The following LRRC38 variants were observed in gnomAD, a reference collection of about 807,000 sequenced individuals.
The protein encoded by LRRC38 is leucine rich repeat containing 38, also known as leucine-rich repeat-containing protein 38.
In LRRC38, 5 loss-of-function variants were observed where a neutral mutation model predicts 16.4. The observed-to-expected ratio is 0.31, with a 90% CI of 0.16 to 0.64. The LOEUF (loss-of-function observed/expected upper bound fraction) is 0.64, where lower values mean the gene tolerates loss of function less well. Among genes scored for constraint, LRRC38 ranks in the 30% least tolerant of loss-of-function variants. The probability of loss-of-function intolerance (pLI) is 0.80; values close to 1 mark genes in which losing one functional copy is unlikely to be tolerated. For synonymous variants in LRRC38, 191 were observed against 190.2 expected (o/e 1.00, Z -0.04); for missense variants, 341 against 401.8 (o/e 0.85, Z 1.29).
intron 1 of LRRC38, 27 bp from the exon 2 acceptor site, chr1:13,476,126 G>C: frequency 1.3e-6 from 2 of 1,548,750 alleles, no homozygotes; most frequent in Middle Eastern, 1.7e-4. Context: ...AGAGGAGAGA[G>C]AGATTTAGAC....
At chr1:13,485,808 G>A (rs1181386643) in intron 1 of LRRC38, among the ~76,000 whole-genome samples, 3 of 152,122 alleles carry the variant, frequency 2.0e-5, no homozygotes, top group Non-Finnish European at 4.4e-5. Context: ...ACAAACCGAG[G>A]GGCTTAAAAC....
chr1:13,478,692 C>T (rs573840479), intron 1 of LRRC38, among the ~76,000 whole-genome samples: 29 of 152,322 alleles, frequency 1.9e-4, no homozygotes, highest in Non-Finnish European at 3.2e-4. Context: ...CTTCACACCT[C>T]GCTAATTAGC....
At chr1:13,488,032 T>TTGTGTGTG (rs71570140) in intron 1 of LRRC38, among the ~76,000 whole-genome samples, 12,408 of 147,102 alleles carry the variant, frequency 0.084, 544 homozygotes, top group African/African-American at 0.1. Flanking sequence ...TTGTGTGTGT[T>TTGTGTGTG]TGTGTGTGTG....
At chr1:13,505,878 G>A (rs1639206186) in intron 1 of LRRC38, among the ~76,000 whole-genome samples, 1 of 152,060 alleles carries the variant, frequency 6.6e-6, no homozygotes, top group South Asian at 2.1e-4. Flanking sequence ...ACAGAACAAG[G>A]CTGGTGTGGC....
rs7534598 is a variant in LRRC38 at position 13,481,393 on chromosome 1, T to A, written c.632-5294A>T. On this transcript the variant is annotated intron_variant, in intron 1 of 1. Coordinates refer to ENST00000376085, the MANE Select transcript of LRRC38 (RefSeq NM_001010847.2). ...GTTCTTATGTTTTTTTTATTTTTTT[T>A]TTTTTGTTCTTTTTTTGAGATGGAG... is the stretch of plus-strand genomic sequence containing the variant. Among the ~76,000 whole-genome samples, 356 of 131,032 alleles carry A rather than the reference T, an allele frequency of 2.7e-3. 6 individuals carry two copies. Among genetic ancestry groups the A allele is most frequent in the African/African-American group, 9.0e-3 (332 of 36,766 alleles). 86.0% of individuals were successfully genotyped at this position (131,032 alleles called of 152,430 possible). A position where few individuals can be genotyped will look rare whatever the true frequency, so the allele number is the denominator to read the frequency against.
At chr1:13,481,715 GAC>G (rs1418688247) in intron 1 of LRRC38, among the ~76,000 whole-genome samples, 2 of 151,606 alleles carry the variant, frequency 1.3e-5, no homozygotes, top group Non-Finnish European at 2.9e-5. Flanking sequence ...TAGAAGAAGA[GAC>G]ACCAGAGAGC....
intron 1 of LRRC38, among the ~76,000 whole-genome samples, chr1:13,481,794 T>TCC (rs371393940): frequency 2.1e-5 from 2 of 94,382 alleles, no homozygotes; most frequent in Non-Finnish European, 4.2e-5. Flanking sequence ...TCTCCCTCTC[T>TCC]CTCTCTCTCT....
Position 13,475,969 on chromosome 1 carries a change from G to A in LRRC38, c.762C>T (p.Ser254=), listed in dbSNP as rs3013106. 425,641 of 1,550,226 alleles carry A rather than the reference G, an allele frequency of 0.27. 59,827 individuals carry two copies. Among genetic ancestry groups the A allele is most frequent in the African/African-American group, 0.42 (30,443 of 72,996 alleles). Residue 254 remains serine (S), a synonymous_variant, in exon 2 of 2, where the codon TCC becomes TCT. Coordinates refer to ENST00000376085, the MANE Select transcript of LRRC38 (RefSeq NM_001010847.2). This position sits in a 1 kb window ranked among gnomAD's most constrained non-coding sequence, Gnocchi z 4.3. ...SLTDLCIIIF[S]GVAVSIAAII... ...TGGCCGCAATGGACACGGCCACACC[G>A]GAGAAAATGATGATGCAGAGGTCTG...
At chr1:13,491,790 C>T (rs969814375) in intron 1 of LRRC38, among the ~76,000 whole-genome samples, 3 of 152,160 alleles carry the variant, frequency 2.0e-5, no homozygotes, top group Non-Finnish European at 4.4e-5. Context: ...ATTCTCCTGC[C>T]TCAGCCTCCA....
chr1:13,501,430 A>T (rs1327646039), intron 1 of LRRC38, among the ~76,000 whole-genome samples: 2 of 152,026 alleles, frequency 1.3e-5, no homozygotes, highest in African/African-American at 4.8e-5. Flanking sequence ...TTATTTTGAG[A>T]CGGAATCTCA....
chr1:13,503,741 G>A (rs543861831), intron 1 of LRRC38, among the ~76,000 whole-genome samples: 6 of 152,282 alleles, frequency 3.9e-5, no homozygotes, highest in Non-Finnish European at 7.4e-5. Context: ...CACGTGACTC[G>A]GAGGACCCAC....
chr1:13,477,302 C>T (rs891928659), intron 1 of LRRC38, among the ~76,000 whole-genome samples: 2 of 152,022 alleles, frequency 1.3e-5, no homozygotes, highest in Non-Finnish European at 1.5e-5. Flanking sequence ...TGTACAAGGC[C>T]CTGGGGATAC....
intron 1 of LRRC38, among the ~76,000 whole-genome samples, chr1:13,476,670 A>G: frequency 6.6e-6 from 1 of 152,110 alleles, no homozygotes; most frequent in Non-Finnish European, 1.5e-5. Flanking sequence ...CAGAGCGGGG[A>G]TGGAAGGGCA....
intron 1 of LRRC38, among the ~76,000 whole-genome samples, chr1:13,481,648 G>A (rs952735377): frequency 6.6e-6 from 1 of 152,038 alleles, no homozygotes; most frequent in South Asian, 2.1e-4. Context: ...GCCCGCCTTG[G>A]CCTCCCAAAG....
chr1:13,497,838 G>A (rs1311111903), intron 1 of LRRC38, among the ~76,000 whole-genome samples: 1 of 151,388 alleles, frequency 6.6e-6, no homozygotes, highest in African/African-American at 2.4e-5. Flanking sequence ...GTGTACGCCT[G>A]CAATCCCAGC....
Position 13,475,796 on chromosome 1 carries a change from G to T in LRRC38, c.*50C>A. The stretch of plus-strand genomic sequence containing the variant: ...CAGCATTTCCCTCTCGTCTTGGAGA[G>T]AGCTTCTGGTTCGGTGCTGGAGAGT... On this transcript the variant is annotated 3_prime_UTR_variant, in exon 2 of 2. Coordinates refer to ENST00000376085, the MANE Select transcript of LRRC38 (RefSeq NM_001010847.2). The surrounding 1 kb of genome is among the most constrained non-coding windows in gnomAD (Gnocchi z 4.3). 2 of 1,534,374 alleles carry T rather than the reference G, an allele frequency of 1.3e-6. No individual in the cohort carries two copies. The highest frequency in any genetic ancestry group is 2.4e-5 in the South Asian group (2 of 82,422).
rs1480860607 is a variant in LRRC38 at position 13,487,446 on chromosome 1, G to A, written c.632-11347C>T. ...AAGTCAACTTCCCACCTTTCGTCTTGCGATGGGTCTACCTCCAACCCACTG... is the reference window on the plus strand; with the variant it reads ...AAGTCAACTTCCCACCTTTCGTCTTACGATGGGTCTACCTCCAACCCACTG... On this transcript the variant is annotated intron_variant, in intron 1 of 1. Coordinates refer to ENST00000376085, the MANE Select transcript of LRRC38 (RefSeq NM_001010847.2). The surrounding 1 kb of genome is among the most constrained non-coding windows in gnomAD (Gnocchi z 4.4). 2.6e-5 allele frequency among the ~76,000 whole-genome samples: 4 copies of A among 152,166 alleles called. No individual in the cohort carries two copies. Among genetic ancestry groups the A allele is most frequent in the Non-Finnish European group, 4.4e-5 (3 of 68,020 alleles).
chr1:13,481,778 T>C (rs1442433384), intron 1 of LRRC38, among the ~76,000 whole-genome samples: 2 of 37,960 alleles, frequency 5.3e-5, no homozygotes, highest in East Asian at 1.6e-3. Context: ...TCTCCCTCTC[T>C]CCCTCTCTCC....
At chr1:13,501,397 TATTA>T (rs1362255060) in intron 1 of LRRC38, among the ~76,000 whole-genome samples, 1 of 152,104 alleles carries the variant, frequency 6.6e-6, no homozygotes, top group Non-Finnish European at 1.5e-5. Context: ...TAACAAAGTC[TATTA>T]ATTATTTTAT....
Sources: allele counts gnomAD v4.1 joint callset (sites outside exome capture counted in the v4.1 genomes callset), GRCh38; gene constraint gnomAD v4.1.1; non-coding constraint Gnocchi (gnomAD v3.1); transcripts MANE v1.5; gene names NCBI Gene and HGNC (gene_info 2026-07-23, HGNC 2026-07-21).